Variants in HAS2 observed in about 807,000 individuals in gnomAD.
The protein encoded by HAS2 is HA synthase 2.
HAS2 carries 16 observed loss-of-function variants against 51.6 expected under a neutral mutation model. The observed-to-expected ratio is 0.31, with a 90% confidence interval of 0.21 to 0.47. The LOEUF (loss-of-function observed/expected upper bound fraction) is 0.47. HAS2 is among the 20% of genes least tolerant of loss of function. The probability of loss-of-function intolerance (pLI) is 1.00; values close to 1 mark genes in which losing one functional copy is unlikely to be tolerated. For synonymous variants in HAS2, 228 were observed against 235.5 expected (o/e 0.97, Z 0.29); for missense variants, 361 against 662.6 (o/e 0.54, Z 5.00).
At chr8:121,626,282 T>C (rs1031574780) in intron 2 of HAS2, among the ~76,000 whole-genome samples, 2 of 152,116 alleles carry the variant, frequency 1.3e-5, no homozygotes, top group African/African-American at 4.8e-5. Context: ...GGAGTTTGGA[T>C]AGGGTTTTGG....
In HAS2 at chr8:121,614,901, G is replaced by A; in HGVS notation, c.867C>T (p.Asn289=). The change falls in exon 4 of 4, where the codon AAC becomes AAT. Residue 289 remains asparagine, a synonymous_variant. Transcript: ENST00000303924. The surrounding 1 kb of genome is among the most constrained non-coding windows in gnomAD (Gnocchi z 7.2). ...CTTCCACAAACTCATGCAACAAGGA[G>A]TTTCTGTACATTCCCAGAGGTCCAC... ...CISGPLGMYR[N]SLLHEFVEDW... is the part of the protein sequence containing the mutation. The A allele has an allele frequency of 6.2e-7, 1 of 1,614,170 alleles. No homozygotes were observed. The highest frequency in any genetic ancestry group is 8.5e-7 in the Non-Finnish European group (1 of 1,180,016).
chr8:121,618,832 AT>A (rs1383924168), intron 2 of HAS2, among the ~76,000 whole-genome samples: 2 of 151,968 alleles, frequency 1.3e-5, no homozygotes, highest in African/African-American at 2.4e-5. Context: ...GATTTAGCCA[AT>A]TTTTTTTAAT....
Position 121,613,958 on chromosome 8 carries a change from G to A in HAS2, c.*151C>T. 9.1e-7 allele frequency: 1 copy of A among 1,103,168 alleles called. No individual in the cohort carries two copies. The highest frequency in any genetic ancestry group is 1.3e-6 in the Non-Finnish European group (1 of 764,526). The allele number at this position is 1,103,168 out of a possible 1,614,324, so 68.3% of individuals were successfully genotyped here. ...GTTGATGTATTGTTTTACTTTGGCA[G>A]AATGAAAATAAACCCATATAAATGT... On this transcript the variant is annotated 3_prime_UTR_variant, in exon 4 of 4. Coordinates refer to ENST00000303924, the MANE Select transcript of HAS2 (RefSeq NM_005328.3).
In HAS2 at chr8:121,633,912, GT is replaced by G. The variant is rs540276424; in HGVS notation, c.1-4573del. Among the ~76,000 whole-genome samples, 136 of 135,178 alleles carry G rather than the reference GT, an allele frequency of 1.0e-3. 1 individual carries two copies. Among genetic ancestry groups the G allele is most frequent in the East Asian group, 4.2e-3 (20 of 4,794 alleles). The allele number at this position is 135,178 out of a possible 152,430, so 88.7% of individuals were successfully genotyped here. On this transcript the variant is annotated intron_variant, in intron 1 of 3. Transcript: ENST00000303924. ...TTACCCTAGTTTTTTGTTTTTTTGG[GT>G]TTTTTTTTTTTTTTGAGACTGAATT...
At chr8:121,615,351 T>A (rs966548623) in intron 3 of HAS2, among the ~76,000 whole-genome samples, 1 of 152,194 alleles carries the variant, frequency 6.6e-6, no homozygotes, top group East Asian at 1.9e-4. Flanking sequence ...TATTTATTTA[T>A]TTAGAGATGG....
chr8:121,625,714 T>G (rs545182823), intron 2 of HAS2, among the ~76,000 whole-genome samples: 1 of 134,918 alleles, frequency 7.4e-6, no homozygotes, highest in East Asian at 2.2e-4. Context: ...AGAGATGAGG[T>G]CTCCCTAAGT....
At chr8:121,636,594 C>G (rs1352097687) in intron 1 of HAS2, among the ~76,000 whole-genome samples, 4 of 152,130 alleles carry the variant, frequency 2.6e-5, no homozygotes, top group African/African-American at 9.7e-5. Context: ...TTTGCACCAT[C>G]TATATTAATA....
intron 2 of HAS2, among the ~76,000 whole-genome samples, chr8:121,627,103 C>A (rs1417921084): frequency 6.6e-6 from 1 of 152,078 alleles, no homozygotes; most frequent in African/African-American, 2.4e-5. Flanking sequence ...GAAGAAAAAA[C>A]CCTCAAACAA....
At chr8:121,623,803 CA>C (rs1454513236) in intron 2 of HAS2, among the ~76,000 whole-genome samples, 2 of 152,192 alleles carry the variant, frequency 1.3e-5, no homozygotes, top group East Asian at 3.9e-4. Flanking sequence ...TCTTAACCTC[CA>C]AAATGAAAGA....
intron 2 of HAS2, among the ~76,000 whole-genome samples, chr8:121,618,401 C>T (rs16895786): frequency 0.021 from 3,157 of 152,172 alleles, 108 homozygotes; most frequent in African/African-American, 0.072. Context: ...GGGGTGCCCA[C>T]TCCCAAAAGC....
intron 2 of HAS2, 91 bp downstream of exon 2, chr8:121,628,623 G>C (rs752823092): frequency 7.0e-6 from 8 of 1,137,732 alleles, no homozygotes; most frequent in Non-Finnish European, 1.0e-5. Context: ...GTTCAGAAGG[G>C]ACAAGGATGG....
intron 1 of HAS2, among the ~76,000 whole-genome samples, chr8:121,633,278 TGGGACTACA>T (rs1812960314): frequency 6.6e-6 from 1 of 151,984 alleles, no homozygotes; most frequent in East Asian, 1.9e-4. Flanking sequence ...CCCGAGTAGC[TGGGACTACA>T]GGCATGCACA....
chr8:121,617,502 A>G (rs1230276784), intron 2 of HAS2, among the ~76,000 whole-genome samples: 1 of 152,004 alleles, frequency 6.6e-6, no homozygotes, highest in African/African-American at 2.4e-5. Context: ...GATGCTCCCA[A>G]TTTTGTCAAT....
rs1813103010 is a variant in HAS2, at chr8:121,641,367, A to G, written c.-515T>C. ...GGCTGCTCGAAGCCAGGACTGGGTAATTCTTTCCAGACGTCTTGACTTCTC... is the reference window on the plus strand; with the variant it reads ...GGCTGCTCGAAGCCAGGACTGGGTAGTTCTTTCCAGACGTCTTGACTTCTC... On this transcript the variant is annotated 5_prime_UTR_variant, in exon 1 of 4. Coordinates refer to ENST00000303924, the MANE Select transcript of HAS2 (RefSeq NM_005328.3). 1 of 151,838 alleles carries G rather than the reference A, an allele frequency of 6.6e-6. No individual in the cohort carries two copies. The highest frequency in any genetic ancestry group is 2.4e-5 in the African/African-American group (1 of 41,388). 9.4% of individuals were successfully genotyped at this position (151,838 alleles called of 1,614,324 possible).
chr8:121,630,575 T>A (rs1207691418), intron 1 of HAS2, among the ~76,000 whole-genome samples: 1 of 152,192 alleles, frequency 6.6e-6, no homozygotes, highest in East Asian at 1.9e-4. Flanking sequence ...AAATGCAATA[T>A]CTTCATCTTT....
At chr8:121,634,803 G>T (rs1472029014) in intron 1 of HAS2, among the ~76,000 whole-genome samples, 1 of 151,318 alleles carries the variant, frequency 6.6e-6, no homozygotes, top group Non-Finnish European at 1.5e-5. Flanking sequence ...GATGTCTAAA[G>T]GTAATGGTTA....
At chr8:121,619,753 T>G (rs1046495333) in intron 2 of HAS2, among the ~76,000 whole-genome samples, 1 of 152,100 alleles carries the variant, frequency 6.6e-6, no homozygotes, top group Non-Finnish European at 1.5e-5. Flanking sequence ...TAGAAAAACA[T>G]GAAGGCAGAA....
At chr8:121,618,149 T>A (rs566786519) in intron 2 of HAS2, among the ~76,000 whole-genome samples, 52 of 152,212 alleles carry the variant, frequency 3.4e-4, no homozygotes, top group Non-Finnish European at 6.6e-4. Context: ...CTTTTCAGAC[T>A]GATTTCCAAA....
In HAS2 at chr8:121,630,214, T is replaced by C. The variant is rs73320639; in HGVS notation, c.1-874A>G. ...AATAAATGTTTGTAGAAATAGTGAATACATTAAAGGACAAATAACATCATG... is the reference window on the plus strand; with the variant it reads ...AATAAATGTTTGTAGAAATAGTGAACACATTAAAGGACAAATAACATCATG... On this transcript the variant is annotated intron_variant, in intron 1 of 3. Transcript: ENST00000303924. Among the ~76,000 whole-genome samples, 924 of 152,250 alleles carry C rather than the reference T, an allele frequency of 6.1e-3. 12 individuals carry two copies. Among genetic ancestry groups the C allele is most frequent in the African/African-American group, 0.021 (883 of 41,544 alleles).
Sources: allele counts gnomAD v4.1 joint callset (sites outside exome capture counted in the v4.1 genomes callset), GRCh38; gene constraint gnomAD v4.1.1; non-coding constraint Gnocchi (gnomAD v3.1); transcripts MANE v1.5; gene names NCBI Gene and HGNC (gene_info 2026-07-23, HGNC 2026-07-21).